Variants in RYR1 observed in about 807,000 individuals in gnomAD.
RYR1 encodes the protein central core disease of muscle.
Under a neutral mutation model 583.5 loss-of-function variants are expected in RYR1, and 342 were observed. The ratio of observed to expected loss-of-function variants is 0.59; its 90% CI spans 0.54 to 0.64. The LOEUF (loss-of-function observed/expected upper bound fraction) is 0.64, where lower values mean the gene tolerates loss of function less well. Ranked by LOEUF, RYR1 falls within the 30% of genes least tolerant of loss-of-function variation. The pLI is 0.00. For synonymous variants in RYR1, 2,791 were observed against 2,822.5 expected, an observed-to-expected ratio of 0.99 and a Z score of 0.35; for missense variants, 6,032 against 6,917.2, an observed-to-expected ratio of 0.87 and a Z score of 4.54.
chr19:38,435,233 G>A (rs1292633104), intron 1 of RYR1, among the ~76,000 whole-genome samples: 1 of 152,194 alleles, frequency 6.6e-6, no homozygotes, highest in Non-Finnish European at 1.5e-5. Context: ...CCGAATGGTA[G>A]AATCACTCAC....
chr19:38,568,344 C>T (rs950662028), intron 93 of RYR1, among the ~76,000 whole-genome samples: 9 of 152,110 alleles, frequency 5.9e-5, no homozygotes, highest in South Asian at 4.1e-4. Flanking sequence ...CCTGGGGAAG[C>T]GTTCATCTCA....
In RYR1 at chr19:38,463,787, A is replaced by G. The variant is rs1035741922; in HGVS notation, c.2723A>G (p.Asp908Gly). ...AAGAGGCTGCACCCGTGTCTTGTGG[A>G]CTTCCACAGCCTTCCAGAGCCTGAG... Reference protein sequence around the residue: ...DNKRLHPCLVDFHSLPEPERN... With the variant: ...DNKRLHPCLVGFHSLPEPERN... The change falls in exon 22 of 106, where the codon GAC becomes GGC. Residue 908 changes from aspartate (D) to glycine (G), a missense_variant. By Grantham distance (94) the Asp-to-Gly change is moderately conservative (BLOSUM62 -1). This residue lies in a region of RYR1 where 2,627 missense variants were observed against 2,961.3 expected (regional missense o/e 0.89). Coordinates refer to ENST00000359596, the MANE Select transcript of RYR1 (RefSeq NM_000540.3). The G allele has an allele frequency of 6.8e-6, 11 of 1,613,908 alleles. No individual in the cohort carries two copies. Among genetic ancestry groups the G allele is most frequent in the Non-Finnish European group, 8.5e-6 (10 of 1,180,014 alleles).
intron 47 of RYR1, 117 bp from the exon 48 acceptor site, chr19:38,502,390 G>A (rs1970163784): frequency 2.2e-6 from 2 of 928,966 alleles, no homozygotes; most frequent in Non-Finnish European, 3.4e-6. Flanking sequence ...ATTGGGAGGA[G>A]CAGGTTTTGG....
Position 38,525,600 on chromosome 19 carries a change from C to G in RYR1, c.10626+98C>G, listed in dbSNP as rs1216777959. ...GGAACAACCACAATGCCACTGAGCC[C>G]CCCAGGTCCCTGGGAGCCTTCCCTT... On this transcript the variant is annotated intron_variant, in intron 71 of 105. Coordinates refer to ENST00000359596, the MANE Select transcript of RYR1 (RefSeq NM_000540.3). The G allele has an allele frequency of 2.3e-6, 3 of 1,328,864 alleles. No individual in the cohort carries two copies. In the African/African-American group the frequency reaches 4.4e-5, roughly 19 times the overall value. The allele number at this position is 1,328,864 out of a possible 1,614,324, so 82.3% of individuals were successfully genotyped here.
At chr19:38,504,605 A>T in intron 50 of RYR1, 143 bp from the exon 51 acceptor site, 1 of 1,212,652 alleles carries the variant, frequency 8.2e-7, no homozygotes, top group Non-Finnish European at 1.2e-6. Context: ...TGGGACTGAC[A>T]TTTGGGTTTC....
At chr19:38,571,540 G>A (rs958310886) in intron 94 of RYR1, among the ~76,000 whole-genome samples, 2 of 152,136 alleles carry the variant, frequency 1.3e-5, no homozygotes, top group Non-Finnish European at 2.9e-5. Context: ...AGGAGGCTGA[G>A]GCAGTAGAAT....
At position 38,535,131 on chromosome 19, in the gene RYR1, C is replaced by A; in HGVS notation, c.11360-10C>A. The A allele has an allele frequency of 6.2e-7, 1 of 1,612,988 alleles. No individual in the cohort carries two copies. Among genetic ancestry groups the A allele is most frequent in the Non-Finnish European group, 8.5e-7 (1 of 1,179,936 alleles). Reference sequence around the variant, plus strand: ...TGGGTGGACCATCTTTTTTCTCCCACTCCCTCCAGGAGAGACAGGTGCCAT... The same window carrying A: ...TGGGTGGACCATCTTTTTTCTCCCAATCCCTCCAGGAGAGACAGGTGCCAT... On this transcript the variant is annotated splice_polypyrimidine_tract_variant and intron_variant, in intron 79 of 105. Coordinates refer to ENST00000359596, the MANE Select transcript of RYR1 (RefSeq NM_000540.3).
At position 38,506,508 on chromosome 19, in the gene RYR1, C is replaced by G. The variant is rs1159304367; in HGVS notation, c.8654C>G (p.Thr2885Arg). The change falls in exon 56 of 106, where the codon ACG becomes AGG. Residue 2885 changes from threonine to arginine, a missense_variant. Thr to Arg is a moderately conservative substitution (Grantham distance 71). Coordinates refer to ENST00000359596, the MANE Select transcript of RYR1 (RefSeq NM_000540.3). ...AEQLAENYHN[T>R]WGRKKKQELE... ...CAACTGGCAGAAAATTACCACAACA[C>G]GTGGGGACGGAAGAAGAAGCAGGAG... 1.9e-6 allele frequency: 3 copies of G among 1,614,088 alleles called. No homozygotes were observed. Among genetic ancestry groups the G allele is most frequent in the Non-Finnish European group, 1.7e-6 (2 of 1,180,014 alleles).
chr19:38,435,386 C>G (rs1972381189), intron 1 of RYR1, among the ~76,000 whole-genome samples: 1 of 152,166 alleles, frequency 6.6e-6, no homozygotes, highest in Non-Finnish European at 1.5e-5. Flanking sequence ...TCTCTCCACC[C>G]CAGACTGGGT....
chr19:38,502,804 C>CAGGGGCAGGGGCAGGGGGAGGGGT, intron 48 of RYR1, 76 bp from the exon 49 acceptor site: 1 of 861,440 alleles, frequency 1.2e-6, no homozygotes, highest in Non-Finnish European at 1.5e-6. Flanking sequence ...GGGGCAGGGG[C>CAGGGGCAGGGGCAGGGGGAGGGGT]AGGGGGAGGA....
At chr19:38,488,376 G>A (rs552684600) in intron 34 of RYR1, among the ~76,000 whole-genome samples, 136 of 151,246 alleles carry the variant, frequency 9.0e-4, no homozygotes, top group Admixed American at 3.6e-3. Context: ...CTACCATTCC[G>A]ACTCGGGATT....
chr19:38,468,963 C>T lies in RYR1; in HGVS notation c.3382-3C>T. 6.2e-7 allele frequency: 1 copy of T among 1,614,092 alleles called. No individual in the cohort carries two copies. ...ACCATGTCTTCTCTGGCTGTCCTCA[C>T]AGGGCCAGCGCTGGCACTTGGGCAG... On this transcript the variant is annotated splice_region_variant and splice_polypyrimidine_tract_variant and intron_variant, in intron 25 of 105. Coordinates refer to ENST00000359596, the MANE Select transcript of RYR1 (RefSeq NM_000540.3).
At chr19:38,529,261 A>T (rs1971625545) in intron 76 of RYR1, among the ~76,000 whole-genome samples, 1 of 152,198 alleles carries the variant, frequency 6.6e-6, no homozygotes, top group African/African-American at 2.4e-5. Flanking sequence ...GCAGGCAATC[A>T]CTTGAGCCCA....
Position 38,512,491 on chromosome 19 carries a change from C to T in RYR1, c.9472+8C>T, listed in dbSNP as rs769779105. The T allele has an allele frequency of 1.1e-5, 17 of 1,608,378 alleles. No individual in the cohort carries two copies. The highest frequency in any genetic ancestry group is 3.3e-5 in the Admixed American group (2 of 60,020). On this transcript the variant is annotated splice_region_variant and intron_variant, in intron 63 of 105. Transcript: ENST00000359596. The surrounding 1 kb of genome is among the most constrained non-coding windows in gnomAD (Gnocchi z 5.1). Reference sequence around the variant, plus strand: ...TCGGAGATGACGTCATCCGTAAGGGCGCCTGACCCAAGGGCAGGTTGCGGG... The same window carrying T: ...TCGGAGATGACGTCATCCGTAAGGGTGCCTGACCCAAGGGCAGGTTGCGGG...
At chr19:38,506,726 CT>C in intron 56 of RYR1, 102 bp from the exon 57 acceptor site, 1 of 1,573,718 alleles carries the variant, frequency 6.4e-7, no homozygotes, top group Non-Finnish European at 8.7e-7. Flanking sequence ...TTCGTATCTT[CT>C]TTATCACCAT....
intron 87 of RYR1, 75 bp from the exon 88 acceptor site, chr19:38,546,370 G>A: frequency 7.7e-7 from 1 of 1,300,990 alleles, no homozygotes; most frequent in Non-Finnish European, 1.1e-6. Context: ...TGCTGGGTAG[G>A]TGAGGAGGGG....
Position 38,497,732 on chromosome 19 carries a change from G to A in RYR1, c.6891+778G>A, listed in dbSNP as rs149003326. 3.6e-4 allele frequency among the ~76,000 whole-genome samples: 55 copies of A among 152,286 alleles called. 1 individual carries two copies. The East Asian group carries it at 9.1e-3, about 25-fold the overall frequency. The stretch of plus-strand genomic sequence containing the variant: ...CTTACATCTATAATCCCAGCACTTT[G>A]GGAGGCCGAGGCAGGAGGATCACTT... On this transcript the variant is annotated intron_variant, in intron 42 of 105. Coordinates refer to ENST00000359596, the MANE Select transcript of RYR1 (RefSeq NM_000540.3).
chr19:38,434,549 G>C (rs1265071810), intron 1 of RYR1, among the ~76,000 whole-genome samples: 1 of 152,084 alleles, frequency 6.6e-6, no homozygotes, highest in Non-Finnish European at 1.5e-5. Flanking sequence ...CTTAGCTTAA[G>C]GCCCTCTGAT....
At chr19:38,579,307 C>G (rs966181071) in intron 99 of RYR1, among the ~76,000 whole-genome samples, 17 of 151,854 alleles carry the variant, frequency 1.1e-4, no homozygotes, top group African/African-American at 4.1e-4. Context: ...CGCCTGTGGT[C>G]CCAGCTACTT....
Sources: allele counts gnomAD v4.1 joint callset (sites outside exome capture counted in the v4.1 genomes callset), GRCh38; gene constraint gnomAD v4.1.1; regional missense constraint gnomAD v4.1.1; non-coding constraint Gnocchi (gnomAD v3.1); transcripts MANE v1.5; gene names NCBI Gene and HGNC (gene_info 2026-07-23, HGNC 2026-07-21).